Variants in PCDH15 observed in about 807,000 individuals in gnomAD.
PCDH15 encodes the protein protocadherin-15.
PCDH15 carries 129 observed loss-of-function variants against 178.5 expected under a neutral mutation model. The ratio of observed to expected loss-of-function variants is 0.72; its 90% confidence interval spans 0.63 to 0.84. PCDH15 has a LOEUF of 0.84. Among genes scored for constraint, PCDH15 ranks in the 40% least tolerant of loss-of-function variants. The probability of loss-of-function intolerance (pLI) is 0.00; values close to 1 mark genes in which losing one functional copy is unlikely to be tolerated. For synonymous variants in PCDH15, 800 were observed against 732.0 expected (o/e 1.09, Z -1.50); for missense variants, 2,230 against 2,099.9 (o/e 1.06, Z -1.21).
chr10:54,444,024 G>A (rs1239072835), intron 3 of PCDH15, among the ~76,000 whole-genome samples: 1 of 151,562 alleles, frequency 6.6e-6, no homozygotes, highest in Admixed American at 6.6e-5. Flanking sequence ...TAATAGCATT[G>A]TGAGAGAAAA....
intron 18 of PCDH15, among the ~76,000 whole-genome samples, chr10:54,047,363 TG>T: frequency 6.7e-6 from 1 of 148,986 alleles, no homozygotes; most frequent in Non-Finnish European, 1.5e-5. Flanking sequence ...CACTGCTGTG[TG>T]TGGTGGGGGG....
intron 1 of PCDH15, among the ~76,000 whole-genome samples, chr10:54,703,226 C>T (rs936270558): frequency 1.3e-5 from 2 of 151,766 alleles, no homozygotes; most frequent in African/African-American, 2.4e-5. Context: ...GTAAACATAC[C>T]ACAAAATAGT....
chr10:55,199,226 T>A (rs1039841165), intron 1 of PCDH15, among the ~76,000 whole-genome samples: 1 of 152,096 alleles, frequency 6.6e-6, no homozygotes. Flanking sequence ...AAGTCCAGGC[T>A]AAGGTGGTCT....
At chr10:55,153,292 G>C (rs1289933107) in intron 2 of PCDH15, among the ~76,000 whole-genome samples, 1 of 152,048 alleles carries the variant, frequency 6.6e-6, no homozygotes, top group East Asian at 1.9e-4. Context: ...TGGCCCCCAA[G>C]ATCACCTGAG....
intron 7 of PCDH15, among the ~76,000 whole-genome samples, chr10:54,325,931 CA>C (rs1469529558): frequency 1.3e-5 from 2 of 151,758 alleles, no homozygotes; most frequent in Non-Finnish European, 2.9e-5. Context: ...AATAAGCAAA[CA>C]AACAAACAAG....
chr10:55,151,826 A>C (rs1318461182), intron 2 of PCDH15, among the ~76,000 whole-genome samples: 1 of 152,088 alleles, frequency 6.6e-6, no homozygotes, highest in Non-Finnish European at 1.5e-5. Flanking sequence ...CAATTCTCAA[A>C]GATTTTAGGA....
intron 1 of PCDH15, among the ~76,000 whole-genome samples, chr10:55,286,985 C>T (rs1429762565): frequency 2.0e-5 from 3 of 151,930 alleles, no homozygotes; most frequent in Admixed American, 2.0e-4. Context: ...TCATTACTTC[C>T]TTACTTTTGC....
intron 1 of PCDH15, among the ~76,000 whole-genome samples, chr10:55,270,346 G>A (rs981086575): frequency 6.6e-6 from 1 of 151,462 alleles, no homozygotes; most frequent in East Asian, 1.9e-4. Flanking sequence ...ACAGTAGACC[G>A]ACAACCTACC....
rs964400685 is a variant in PCDH15, at chr10:54,886,279, C to A, written c.-29+11171G>T. On this transcript the variant is annotated intron_variant, in intron 3 of 5. Transcript: ENST00000458638. ...TTTCATTTTTTAAAAACGAATTTTC[C>A]ACCATCCAGAGAAACACTTCTTAAA... Among the ~76,000 whole-genome samples the A allele has an allele frequency of 1.2e-4, 19 of 152,070 alleles. 1 individual carries two copies. The highest frequency in any genetic ancestry group is 2.6e-4 in the Admixed American group (4 of 15,254).
intron 3 of PCDH15, among the ~76,000 whole-genome samples, chr10:54,873,716 T>A (rs890969905): frequency 1.4e-5 from 2 of 144,746 alleles, no homozygotes; most frequent in African/African-American, 2.5e-5. Flanking sequence ...TATATATATA[T>A]AATATATGTG....
chr10:55,350,282 CACACAT>C (rs1565043217), intron 2 of PCDH15, among the ~76,000 whole-genome samples: 3 of 136,752 alleles, frequency 2.2e-5, no homozygotes, highest in African/African-American at 8.1e-5. Context: ...CACACACACA[CACACAT>C]ACATACACAC....
intron 2 of PCDH15, among the ~76,000 whole-genome samples, chr10:54,973,718 A>G (rs1269583788): frequency 6.6e-6 from 1 of 152,200 alleles, no homozygotes; most frequent in African/African-American, 2.4e-5. Flanking sequence ...GCTTACTGAC[A>G]TCATGACAGT....
At chr10:54,621,151 A>T (rs953173391) in intron 2 of PCDH15, among the ~76,000 whole-genome samples, 3 of 151,934 alleles carry the variant, frequency 2.0e-5, no homozygotes, top group Non-Finnish European at 2.9e-5. Flanking sequence ...CAAATGCAAA[A>T]TTTTGTTGTA....
At chr10:54,199,105 T>C (rs1455832643) in intron 10 of PCDH15, among the ~76,000 whole-genome samples, 1 of 152,206 alleles carries the variant, frequency 6.6e-6, no homozygotes, top group African/African-American at 2.4e-5. Flanking sequence ...AACTTCCTCA[T>C]ATCTATAAAA....
chr10:55,452,719 A>G (rs955348876), intron 2 of PCDH15, among the ~76,000 whole-genome samples: 1 of 152,100 alleles, frequency 6.6e-6, no homozygotes, highest in Non-Finnish European at 1.5e-5. Context: ...CCAGAAACAA[A>G]TTTCCACTGG....
At chr10:53,844,791 G>A (rs1228986731) in intron 28 of PCDH15, among the ~76,000 whole-genome samples, 1 of 151,866 alleles carries the variant, frequency 6.6e-6, no homozygotes, top group Non-Finnish European at 1.5e-5. Flanking sequence ...AGAAAATATT[G>A]GGAAGAGACT....
chr10:54,294,654 C>T (rs2059631950), intron 8 of PCDH15, among the ~76,000 whole-genome samples: 2 of 151,348 alleles, frequency 1.3e-5, no homozygotes, highest in Admixed American at 6.6e-5. Context: ...GAAAGGTGTC[C>T]ACCTGAAAGC....
chr10:53,962,902 C>T (rs1435249219), intron 21 of PCDH15, among the ~76,000 whole-genome samples: 1 of 152,030 alleles, frequency 6.6e-6, no homozygotes, highest in African/African-American at 2.4e-5. Context: ...AGTGCTTAGG[C>T]CTTGTAAATT....
chr10:54,181,982 G>A (rs183264260), intron 13 of PCDH15, among the ~76,000 whole-genome samples: 24 of 151,904 alleles, frequency 1.6e-4, no homozygotes, highest in African/African-American at 5.6e-4. Flanking sequence ...TTTTTAAGAC[G>A]GAGTCTCTCT....
Sources: allele counts gnomAD v4.1 joint callset (sites outside exome capture counted in the v4.1 genomes callset), GRCh38; gene constraint gnomAD v4.1.1; transcripts MANE v1.5; gene names NCBI Gene and HGNC (gene_info 2026-07-23, HGNC 2026-07-21).